OR52I2: variants seen among roughly 807,000 people sequenced by gnomAD.
The protein encoded by OR52I2 is olfactory receptor 52I2.
For synonymous variants in OR52I2, 147 were observed against 151.9 expected (o/e 0.97, Z 0.24); for missense variants, 350 against 402.4 (o/e 0.87, Z 1.11).
rs145735233 is a variant in OR52I2, at chr11:4,585,721, A to G, written c.-19-1151A>G. Among the ~76,000 whole-genome samples the G allele has an allele frequency of 8.7e-3, 1,330 of 152,234 alleles. 9 individuals are homozygous for G. Among genetic ancestry groups the G allele is most frequent in the Admixed American group, 0.014 (218 of 15,286 alleles). ...CACAGTTGTCTTCTTGACTATCCATATTGGGCTGGATGGACACCTGGGAGT... is the reference window on the plus strand; with the variant it reads ...CACAGTTGTCTTCTTGACTATCCATGTTGGGCTGGATGGACACCTGGGAGT... On this transcript the variant is annotated intron_variant, in intron 1 of 1. Transcript: ENST00000641896.
exon 2 of OR52I2, chr11:4,591,648 C>A (rs980986276): frequency 2.0e-5 from 3 of 152,182 alleles, no homozygotes; most frequent in African/African-American, 7.2e-5. Flanking sequence ...AGAAAATTAT[C>A]TGAGAACAAT....
At position 4,582,438 on chromosome 11, in the gene OR52I2, T is replaced by TTCA. The variant is rs1366802164; in HGVS notation, c.-20+575_-20+576insCAT. ...TTTTATATTTATTTATTTTTCATTT[T>TTCA]TTTTTTTTTTTTTTTTTTGAGATGG... On this transcript the variant is annotated intron_variant, in intron 1 of 1. Transcript: ENST00000641896. Among the ~76,000 whole-genome samples, 14 of 65,094 alleles carry TTCA rather than the reference T, an allele frequency of 2.2e-4. 1 individual carries two copies. The South Asian group carries it at 8.5e-3, about 40-fold the overall frequency. The allele number at this position is 65,094 out of a possible 152,430, so 42.7% of individuals were successfully genotyped here. A position where few individuals can be genotyped will look rare whatever the true frequency, so the allele number is the denominator to read the frequency against.
chr11:4,591,569 T>C (rs2133190263), exon 2 of OR52I2: 1 of 152,340 alleles, frequency 6.6e-6, no homozygotes, highest in South Asian at 2.1e-4. Context: ...GTATTTAATA[T>C]GGTCTGGTCT....
chr11:4,587,884 T>C, exon 2 of OR52I2: 1 of 1,593,112 alleles, frequency 6.3e-7, no homozygotes. Context: ...TCTGTTCAGA[T>C]CCAGCCAATT....
chr11:4,582,434 A>ATTTTTTTTTTTTTTTTTTTTTTTTTTT (rs386372959), intron 1 of OR52I2, among the ~76,000 whole-genome samples: 2 of 96,482 alleles, frequency 2.1e-5, no homozygotes, highest in Non-Finnish European at 3.8e-5. Context: ...TTTATTTTTC[A>ATTTTTTTTTTTTTTTTTTTTTTTTTTT]TTTTTTTTTT....
intron 1 of OR52I2, among the ~76,000 whole-genome samples, chr11:4,586,400 CT>C (rs1449529188): frequency 6.6e-6 from 1 of 152,178 alleles, no homozygotes; most frequent in African/African-American, 2.4e-5. Context: ...ATCCTTCATT[CT>C]GTGGAAACTT....
exon 2 of OR52I2, chr11:4,591,934 T>G (rs1346084771): frequency 1.3e-5 from 2 of 152,208 alleles, no homozygotes; most frequent in African/African-American, 4.8e-5. Flanking sequence ...GCTCTTATCA[T>G]AGTCCAATGA....
intron 1 of OR52I2, among the ~76,000 whole-genome samples, chr11:4,582,671 A>G (rs1176032072): frequency 6.6e-6 from 1 of 151,926 alleles, no homozygotes; most frequent in African/African-American, 2.4e-5. Flanking sequence ...CTGAGCTCAG[A>G]CAATCCTACC....
chr11:4,585,071 G>A (rs1846288744), intron 1 of OR52I2, among the ~76,000 whole-genome samples: 1 of 152,120 alleles, frequency 6.6e-6, no homozygotes, highest in Non-Finnish European at 1.5e-5. Context: ...CCTTTTTATG[G>A]ATGAAGAAAC....
chr11:4,589,691 T>G (rs1846336424), exon 2 of OR52I2: 1 of 152,114 alleles, frequency 6.6e-6, no homozygotes, highest in South Asian at 2.1e-4. Context: ...GACAGTTTTA[T>G]GGGACTAAGA....
exon 2 of OR52I2, chr11:4,590,894 C>T (rs1166226694): frequency 6.6e-6 from 1 of 152,146 alleles, no homozygotes; most frequent in Non-Finnish European, 1.5e-5. Context: ...GTGGATATCA[C>T]TAATTTATTC....
exon 2 of OR52I2, chr11:4,588,561 A>C (rs1846327092): frequency 6.6e-6 from 1 of 152,318 alleles, no homozygotes; most frequent in Non-Finnish European, 1.5e-5. Flanking sequence ...TTTTGTGCTC[A>C]GGTGCATGCC....
exon 2 of OR52I2, chr11:4,591,457 T>G (rs1319820762): frequency 6.6e-6 from 1 of 152,202 alleles, no homozygotes; most frequent in Non-Finnish European, 1.5e-5. Context: ...ATATGACTAC[T>G]GTTATGTCAA....
chr11:4,587,179 A>T, exon 2 of OR52I2: 2 of 1,614,176 alleles, frequency 1.2e-6, no homozygotes, highest in Non-Finnish European at 1.7e-6. Context: ...CAGCTCAATC[A>T]GCTTTAGTGC....
chr11:4,583,625 G>A (rs78164659), intron 1 of OR52I2, among the ~76,000 whole-genome samples: 5,737 of 152,164 alleles, frequency 0.038, 139 homozygotes, highest in Non-Finnish European at 0.061. Flanking sequence ...AAGATGTCTC[G>A]CCCAGTGTCC....
At chr11:4,583,452 G>C (rs1490275770) in intron 1 of OR52I2, among the ~76,000 whole-genome samples, 1 of 152,152 alleles carries the variant, frequency 6.6e-6, no homozygotes, top group African/African-American at 2.4e-5. Context: ...AGGCTGTTTG[G>C]ATCCTCAAGC....
chr11:4,582,994 A>G (rs893898502), intron 1 of OR52I2, among the ~76,000 whole-genome samples: 1 of 152,186 alleles, frequency 6.6e-6, no homozygotes, highest in African/African-American at 2.4e-5. Flanking sequence ...ATTTTCCAGC[A>G]TGTCCATAAT....
chr11:4,587,913 T>C, exon 2 of OR52I2: 6 of 1,470,590 alleles, frequency 4.1e-6, no homozygotes, highest in South Asian at 1.2e-5. Context: ...GCCTTAGAGA[T>C]CTGCAGAGCT....
chr11:4,588,250 C>T, exon 2 of OR52I2: 1 of 193,406 alleles, frequency 5.2e-6, no homozygotes. Context: ...GCTATGTGTC[C>T]ACTTAGGATC....
Sources: gnomAD v4.1 joint callset for allele counts (sites outside exome capture counted in the v4.1 genomes callset) on GRCh38, gnomAD v4.1.1 for gene constraint, MANE v1.5 for transcripts, NCBI Gene and HGNC (gene_info 2026-07-23, HGNC 2026-07-21) for gene names.